Variants in ST3GAL4 observed in about 807,000 individuals in gnomAD.
ST3GAL4 encodes the protein CMP-N-acetylneuraminate-beta-galactosamide-alpha-2,3-sialyltransferase 4.
In ST3GAL4, 24 loss-of-function variants were observed where a neutral mutation model predicts 42.6. The ratio of observed to expected loss-of-function variants is 0.56; its 90% CI spans 0.41 to 0.79. The LOEUF is 0.79. Among genes scored for constraint, ST3GAL4 ranks in the 30% least tolerant of loss-of-function variants. The pLI, the probability that ST3GAL4 is intolerant of heterozygous loss-of-function variation, is 0.00. For synonymous variants in ST3GAL4, 135 were observed against 163.2 expected (o/e 0.83, Z 1.32); for missense variants, 311 against 430.8 (o/e 0.72, Z 2.46).
At chr11:126,371,995 C>G (rs1452580429) in intron 1 of ST3GAL4, among the ~76,000 whole-genome samples, 2 of 152,108 alleles carry the variant, frequency 1.3e-5, no homozygotes, top group African/African-American at 4.8e-5. Context: ...CTGTGAATTG[C>G]CTTTTTGTGT....
chr11:126,408,777 G>A (rs1159453925), intron 8 of ST3GAL4: 4 of 500,504 alleles, frequency 8.0e-6, no homozygotes, highest in Non-Finnish European at 1.1e-5. Flanking sequence ...TTCCGAGTAG[G>A]TGTTTGCCTG....
rs537955489 is a variant in ST3GAL4, at chr11:126,408,885, A to G, written c.628-383A>G. 102 of 393,708 alleles carry G rather than the reference A, an allele frequency of 2.6e-4. No individual in the cohort carries two copies. In the South Asian group the frequency reaches 4.2e-3, roughly 16 times the overall value. 24.4% of individuals were successfully genotyped at this position (393,708 alleles called of 1,614,324 possible). The stretch of plus-strand genomic sequence containing the variant: ...TGTGTCCAAACAGATGGTCCCCAGA[A>G]AGAGTTCACTACATCACTTTGCCAT... On this transcript the variant is annotated intron_variant, in intron 8 of 10. Transcript: ENST00000444328.
At chr11:126,365,503 C>T (rs1292618987) in intron 1 of ST3GAL4, among the ~76,000 whole-genome samples, 1 of 152,178 alleles carries the variant, frequency 6.6e-6, no homozygotes, top group African/African-American at 2.4e-5. Context: ...CCATGGGACC[C>T]TGGGCTGGCT....
intron 1 of ST3GAL4, among the ~76,000 whole-genome samples, chr11:126,371,649 G>T (rs78728547): frequency 6.6e-6 from 1 of 152,194 alleles, no homozygotes; most frequent in Non-Finnish European, 1.5e-5. Flanking sequence ...ATTCAGTTGC[G>T]TGAATGTAGC....
At position 126,409,189 on chromosome 11, in the gene ST3GAL4, C is replaced by T. The variant is rs1954407231; in HGVS notation, c.628-79C>T. 2.1e-5 allele frequency: 33 copies of T among 1,571,482 alleles called. No homozygotes were observed. In the South Asian group the frequency reaches 2.7e-4, roughly 13 times the overall value. ...TGCCATCGCTTGGACCCCCTCGCCT[C>T]GCTGAGGACCACTGGGTTGGATTTG... On this transcript the variant is annotated intron_variant, in intron 8 of 10. Coordinates refer to ENST00000444328, the MANE Select transcript of ST3GAL4 (RefSeq NM_001254757.2). This position sits in a 1 kb window ranked among gnomAD's most constrained non-coding sequence, Gnocchi z 4.9.
intron 1 of ST3GAL4, among the ~76,000 whole-genome samples, chr11:126,388,679 T>TTTTTTTTTTTTTC (rs1239186575): frequency 1.3e-4 from 16 of 122,634 alleles, no homozygotes; most frequent in South Asian, 2.7e-4. Context: ...TTTTTTTTTT[T>TTTTTTTTTTTTTC]TTCTGATTTA....
At position 126,393,437 on chromosome 11, in the gene ST3GAL4, G is replaced by C. The variant is rs747596671; in HGVS notation, c.-60-12659G>C. 1.6e-4 allele frequency: 24 copies of C among 152,310 alleles called. No individual in the cohort carries two copies. Among genetic ancestry groups the C allele is most frequent in the Non-Finnish European group, 2.9e-4 (20 of 68,096 alleles). 9.4% of individuals were successfully genotyped at this position (152,310 alleles called of 1,614,324 possible). The stretch of plus-strand genomic sequence containing the variant: ...CCGGGGGAGCAATGTCACCTTGAAT[G>C]TGTTTCCATACCCAGGGCCCAGATG... On this transcript the variant is annotated intron_variant, in intron 1 of 10. Coordinates refer to ENST00000444328, the MANE Select transcript of ST3GAL4 (RefSeq NM_001254757.2). The surrounding 1 kb of genome is among the most constrained non-coding windows in gnomAD (Gnocchi z 5.9).
rs1273795459 is a variant in ST3GAL4, at chr11:126,397,160, A to G, written c.-60-8936A>G. Among the ~76,000 whole-genome samples, 1 of 152,120 alleles carries G rather than the reference A, an allele frequency of 6.6e-6. No individual in the cohort carries two copies. Among genetic ancestry groups the G allele is most frequent in the East Asian group, 1.9e-4 (1 of 5,198 alleles). On this transcript the variant is annotated intron_variant, in intron 1 of 10. Coordinates refer to ENST00000444328, the MANE Select transcript of ST3GAL4 (RefSeq NM_001254757.2). This position sits in a 1 kb window ranked among gnomAD's most constrained non-coding sequence, Gnocchi z 5.0. ...CAGTTGTTAGTGGAACATGCAATAC[A>G]TCTTTATTCACATGTTATTACTTAT...
Position 126,391,721 on chromosome 11 carries a change from G to A in ST3GAL4, c.-60-14375G>A, listed in dbSNP as rs7924539. Among the ~76,000 whole-genome samples, 2,721 of 152,268 alleles carry A rather than the reference G, an allele frequency of 0.018. 89 individuals carry two copies. Among genetic ancestry groups the A allele is most frequent in the African/African-American group, 0.061 (2,528 of 41,558 alleles). ...AGGAGAGCTGAGTGTGATTGGGGTCGTGGTGGGGCCAGTGGCAGTGGATCT... is the reference window on the plus strand; with the variant it reads ...AGGAGAGCTGAGTGTGATTGGGGTCATGGTGGGGCCAGTGGCAGTGGATCT... On this transcript the variant is annotated intron_variant, in intron 1 of 10. Transcript: ENST00000444328. This position sits in a 1 kb window ranked among gnomAD's most constrained non-coding sequence, Gnocchi z 5.5.
In ST3GAL4 at chr11:126,379,303, C is replaced by T. The variant is rs1354527295; in HGVS notation, c.-61+23461C>T. Among the ~76,000 whole-genome samples, 1 of 152,014 alleles carries T rather than the reference C, an allele frequency of 6.6e-6. No homozygotes were observed. Among genetic ancestry groups the T allele is most frequent in the Non-Finnish European group, 1.5e-5 (1 of 68,010 alleles). On this transcript the variant is annotated intron_variant, in intron 1 of 10. Coordinates refer to ENST00000444328, the MANE Select transcript of ST3GAL4 (RefSeq NM_001254757.2). This position sits in a 1 kb window ranked among gnomAD's most constrained non-coding sequence, Gnocchi z 4.2. ...CAGTGTGGATAATGAAATTCCCTAA[C>T]GAAAATAAAAGTGTGAACCTTTTGT...
In ST3GAL4 at chr11:126,367,046, G is replaced by C. The variant is rs549012299; in HGVS notation, c.-61+11204G>C. ...AGTGGACTCTGCTCAGGTGTGGGGG[G>C]CCTGCCTGTAGGGGGCACCGTGGTG... On this transcript the variant is annotated intron_variant, in intron 1 of 10. Transcript: ENST00000444328. 7.9e-4 allele frequency among the ~76,000 whole-genome samples: 120 copies of C among 152,206 alleles called. 1 individual carries two copies. Among genetic ancestry groups the C allele is most frequent in the African/African-American group, 2.8e-3 (118 of 41,546 alleles).
chr11:126,403,030 G>A (rs570838191), intron 1 of ST3GAL4, among the ~76,000 whole-genome samples: 5 of 152,326 alleles, frequency 3.3e-5, no homozygotes, highest in African/African-American at 1.2e-4. Flanking sequence ...TTTATGCTCA[G>A]AGCTAGACCA....
chr11:126,388,216 C>T (rs141677013), intron 1 of ST3GAL4, among the ~76,000 whole-genome samples: 22 of 152,376 alleles, frequency 1.4e-4, no homozygotes, highest in African/African-American at 4.8e-4. Context: ...ATGAAATATG[C>T]TGTCTCCATC....
intron 1 of ST3GAL4, among the ~76,000 whole-genome samples, chr11:126,364,482 T>A (rs1404894166): frequency 2.1e-5 from 3 of 141,940 alleles, no homozygotes; most frequent in Non-Finnish European, 4.6e-5. Context: ...CTTCTTTTCT[T>A]TGGACCTTTC....
At position 126,359,893 on chromosome 11, in the gene ST3GAL4, C is replaced by G. The variant is rs1290155208; in HGVS notation, c.-61+4051C>G. ...TGCCGCCCACATGGCTGCAAGGCAACCACGGCCACACGTGGGGAAGGGGAG... is the reference window on the plus strand; with the variant it reads ...TGCCGCCCACATGGCTGCAAGGCAAGCACGGCCACACGTGGGGAAGGGGAG... On this transcript the variant is annotated intron_variant, in intron 1 of 10. Coordinates refer to ENST00000444328, the MANE Select transcript of ST3GAL4 (RefSeq NM_001254757.2). The surrounding 1 kb of genome is among the most constrained non-coding windows in gnomAD (Gnocchi z 4.8). Among the ~76,000 whole-genome samples the G allele has an allele frequency of 1.3e-5, 2 of 152,246 alleles. No homozygotes were observed. Among genetic ancestry groups the G allele is most frequent in the Non-Finnish European group, 2.9e-5 (2 of 68,040 alleles).
At chr11:126,368,951 C>A (rs780880595) in intron 1 of ST3GAL4, among the ~76,000 whole-genome samples, 1 of 152,178 alleles carries the variant, frequency 6.6e-6, no homozygotes, top group Non-Finnish European at 1.5e-5. Context: ...AGAAGCCCTG[C>A]ACCAGAGCAT....
Position 126,406,847 on chromosome 11 carries a change from G to C in ST3GAL4, c.102-96G>C. 8.5e-7 allele frequency: 1 copy of C among 1,175,418 alleles called. No individual in the cohort carries two copies. Among genetic ancestry groups the C allele is most frequent in the Non-Finnish European group, 1.3e-6 (1 of 796,934 alleles). The allele number at this position is 1,175,418 out of a possible 1,614,324, so 72.8% of individuals were successfully genotyped here. A position where few individuals can be genotyped will look rare whatever the true frequency, so the allele number is the denominator to read the frequency against. On this transcript the variant is annotated intron_variant, in intron 3 of 10. Coordinates refer to ENST00000444328, the MANE Select transcript of ST3GAL4 (RefSeq NM_001254757.2). The surrounding 1 kb of genome is among the most constrained non-coding windows in gnomAD (Gnocchi z 5.4). ...TGAGATGATTCCTCCCCGGCACCTT[G>C]GGACCTTCATGCCGTGGGAGAAGGC...
intron 1 of ST3GAL4, among the ~76,000 whole-genome samples, chr11:126,380,201 G>T (rs1952944964): frequency 6.6e-6 from 1 of 151,806 alleles, no homozygotes; most frequent in African/African-American, 2.4e-5. Context: ...GGTAGAGGTT[G>T]CAGTGTGCCG....
rs994381704 is a variant in ST3GAL4, at chr11:126,359,960, G to A, written c.-61+4118G>A. On this transcript the variant is annotated intron_variant, in intron 1 of 10. Coordinates refer to ENST00000444328, the MANE Select transcript of ST3GAL4 (RefSeq NM_001254757.2). The surrounding 1 kb of genome is among the most constrained non-coding windows in gnomAD (Gnocchi z 4.8). ...AAGCACAGGGAACCCAGCCAAAGTG[G>A]CTGCTCCTGGCGTCTGGCATCCTGA... 6.6e-5 allele frequency among the ~76,000 whole-genome samples: 10 copies of A among 152,240 alleles called. No individual in the cohort carries two copies. The highest frequency in any genetic ancestry group is 3.9e-4 in the Admixed American group (6 of 15,284).
Sources: allele counts gnomAD v4.1 joint callset (sites outside exome capture counted in the v4.1 genomes callset), GRCh38; gene constraint gnomAD v4.1.1; non-coding constraint Gnocchi (gnomAD v3.1); transcripts MANE v1.5; gene names NCBI Gene and HGNC (gene_info 2026-07-23, HGNC 2026-07-21).